Variants in ACSL3 observed in about 807,000 individuals in gnomAD.
The protein encoded by ACSL3 is acyl-CoA synthetase long chain family member 3.
Under a neutral mutation model 84.7 loss-of-function variants are expected in ACSL3, and 34 were observed. That is an observed-to-expected ratio of 0.40 (90% CI 0.31 to 0.53). The LOEUF is 0.53. Ranked by LOEUF, ACSL3 falls within the 20% of genes least tolerant of loss-of-function variation. The pLI is 0.48. For missense variants in ACSL3, 680 were observed against 873.1 expected, an observed-to-expected ratio of 0.78 and a Z score of 2.79; for synonymous variants, 315 against 299.4, an observed-to-expected ratio of 1.05 and a Z score of -0.54.
At chr2:222,914,288 CAG>C (rs141623568) in intron 4 of ACSL3, among the ~76,000 whole-genome samples, 6,099 of 145,020 alleles carry the variant, frequency 0.042, 194 homozygotes, top group Middle Eastern at 0.087. Flanking sequence ...TATTTTGAGA[CAG>C]GGTCTCACTC....
chr2:222,930,031 T>C (rs6758013), intron 13 of ACSL3, among the ~76,000 whole-genome samples: 123,872 of 149,138 alleles, frequency 0.83, 51,723 homozygotes, highest in East Asian at 0.97. Context: ...TGGGTTCAAG[T>C]GATTCTCCTG....
At chr2:222,885,075 A>G (rs889639358) in intron 1 of ACSL3, among the ~76,000 whole-genome samples, 1 of 152,176 alleles carries the variant, frequency 6.6e-6, no homozygotes, top group African/African-American at 2.4e-5. Context: ...TTAGAATGCA[A>G]AGTGTCGGGT....
At position 222,942,429 on chromosome 2, in the gene ACSL3, C is replaced by T. The variant is rs1005886987; in HGVS notation, c.*775C>T. 2.1e-5 allele frequency: 4 copies of T among 192,774 alleles called. No homozygotes were observed. The highest frequency in any genetic ancestry group is 6.1e-5 in the Admixed American group (1 of 16,338). The allele number at this position is 192,774 out of a possible 1,614,324, so 11.9% of individuals were successfully genotyped here. ...CTGTCAAAATGTTCAATGAAGTCTT[C>T]TGTTCATCTGTTGAAACTAGGAAAA... On this transcript the variant is annotated 3_prime_UTR_variant, in exon 17 of 17. Transcript: ENST00000357430.
At chr2:222,873,944 A>G (rs536955930) in intron 1 of ACSL3, among the ~76,000 whole-genome samples, 2 of 152,370 alleles carry the variant, frequency 1.3e-5, no homozygotes, top group Admixed American at 6.5e-5. Flanking sequence ...ATTGCTTCCC[A>G]GAGAGGTTGT....
chr2:222,868,625 A>G (rs1468180902), intron 1 of ACSL3, among the ~76,000 whole-genome samples: 1 of 152,204 alleles, frequency 6.6e-6, no homozygotes, highest in Non-Finnish European at 1.5e-5. Context: ...GAGGTACATT[A>G]ACTAGATTGT....
chr2:222,875,010 A>G (rs1695409114), intron 1 of ACSL3, among the ~76,000 whole-genome samples: 1 of 152,090 alleles, frequency 6.6e-6, no homozygotes, highest in Non-Finnish European at 1.5e-5. Context: ...TTTATGTGAA[A>G]ATTTGAATGG....
At chr2:222,940,998 C>G (rs184808675) in intron 16 of ACSL3, among the ~76,000 whole-genome samples, 20 of 152,154 alleles carry the variant, frequency 1.3e-4, no homozygotes, top group Non-Finnish European at 2.2e-4. Flanking sequence ...ATCTCCTGGG[C>G]TCAAGTCATC....
In ACSL3 at chr2:222,928,139, A is replaced by G. The variant is rs114890927; in HGVS notation, c.1466-723A>G. On this transcript the variant is annotated intron_variant, in intron 12 of 16. Transcript: ENST00000357430. ...CATTTCTGATATTTGGTCTTTGAAG[A>G]GGAAACATAATGCAATAGTAATTCA... Among the ~76,000 whole-genome samples the G allele has an allele frequency of 6.2e-3, 948 of 152,356 alleles. 10 individuals carry two copies. The highest frequency in any genetic ancestry group is 0.022 in the African/African-American group (902 of 41,570).
chr2:222,882,257 C>A (rs1695607997), intron 1 of ACSL3, among the ~76,000 whole-genome samples: 1 of 152,120 alleles, frequency 6.6e-6, no homozygotes, highest in African/African-American at 2.4e-5. Context: ...ATTCTACTTG[C>A]AATTGATTGG....
chr2:222,884,913 C>G (rs1695683908), intron 1 of ACSL3, among the ~76,000 whole-genome samples: 1 of 152,158 alleles, frequency 6.6e-6, no homozygotes, highest in African/African-American at 2.4e-5. Context: ...TTTCCTTGAC[C>G]TTGTCTTCTC....
At chr2:222,914,152 C>T (rs754161262) in intron 4 of ACSL3, among the ~76,000 whole-genome samples, 7 of 151,708 alleles carry the variant, frequency 4.6e-5, no homozygotes, top group Non-Finnish European at 1.0e-4. Context: ...AAAACAAGTC[C>T]TAGTGCTTAA....
In ACSL3 at chr2:222,908,965, G is replaced by C. The variant is rs376035389; in HGVS notation, c.193G>C (p.Asp65His). 5.0e-6 allele frequency: 8 copies of C among 1,613,414 alleles called. No individual in the cohort carries two copies. In the African/African-American group the frequency reaches 9.3e-5, roughly 19 times the overall value. Residue 65 changes from aspartate to histidine, a missense_variant, in exon 4 of 17, where the codon GAT becomes CAT. This residue lies in a region of ACSL3 where 333 missense variants were observed against 347.5 expected (regional missense o/e 0.96). Coordinates refer to ENST00000357430, the MANE Select transcript of ACSL3 (RefSeq NM_004457.5). ...AGCAAAGCCTGTAAATTCAAAACCT[G>C]ATTCTGCATACAGATCTGTTAATAG... Reference protein sequence around the residue: ...IKAKPVNSKPDSAYRSVNSLD... With the variant: ...IKAKPVNSKPHSAYRSVNSLD...
rs567464353 is a variant in ACSL3, at chr2:222,943,012, G to A, written c.*1358G>A. 1.3e-5 allele frequency: 3 copies of A among 223,624 alleles called. 1 individual carries two copies. The highest frequency in any genetic ancestry group is 1.3e-4 in the East Asian group (2 of 15,440). 13.9% of individuals were successfully genotyped at this position (223,624 alleles called of 1,614,324 possible). On this transcript the variant is annotated 3_prime_UTR_variant, in exon 17 of 17. Transcript: ENST00000357430. Reference sequence around the variant, plus strand: ...TGCTCAAATCAGGACTTAAATCATAGGCACCACATTTTTCATGTCAGACTA... The same window carrying A: ...TGCTCAAATCAGGACTTAAATCATAAGCACCACATTTTTCATGTCAGACTA...
chr2:222,931,470 G>C (rs939676154), intron 14 of ACSL3, among the ~76,000 whole-genome samples: 4 of 151,722 alleles, frequency 2.6e-5, no homozygotes, highest in Non-Finnish European at 4.4e-5. Flanking sequence ...TAGAAACCTG[G>C]GAGGAGACTC....
chr2:222,880,924 TTCAAATGA>T (rs1434820359), intron 1 of ACSL3, among the ~76,000 whole-genome samples: 1 of 152,222 alleles, frequency 6.6e-6, no homozygotes, highest in Non-Finnish European at 1.5e-5. Context: ...TTGGATATTT[TTCAAATGA>T]TTCCTTCAGA....
chr2:222,934,462 GTAA>G (rs1172224679), intron 15 of ACSL3, 65 bp from the exon 16 acceptor site: 8 of 1,289,636 alleles, frequency 6.2e-6, no homozygotes, highest in African/African-American at 1.5e-5. Context: ...ACTTGTCACT[GTAA>G]TAATAACTGC....
rs1285124229 is a variant in ACSL3 at position 222,922,613 on chromosome 2, C to A, written c.957-95C>A. 19 of 1,485,672 alleles carry A rather than the reference C, an allele frequency of 1.3e-5. No individual in the cohort carries two copies. The Admixed American group carries it at 3.2e-4, about 25-fold the overall frequency. The allele number at this position is 1,485,672 out of a possible 1,614,324, so 92.0% of individuals were successfully genotyped here. ...TGACCAGCAAATTGATGCCCTGGGGCCCTTCCATGTGCCTTCAAGCTTGCT... is the reference window on the plus strand; with the variant it reads ...TGACCAGCAAATTGATGCCCTGGGGACCTTCCATGTGCCTTCAAGCTTGCT... On this transcript the variant is annotated intron_variant, in intron 8 of 16. Transcript: ENST00000357430.
At chr2:222,867,981 T>C (rs1375591202) in intron 1 of ACSL3, among the ~76,000 whole-genome samples, 1 of 94,608 alleles carries the variant, frequency 1.1e-5, no homozygotes, top group African/African-American at 4.8e-5. Flanking sequence ...CTTTCTTTGC[T>C]TTTTTTTTTT....
chr2:222,894,891 T>A (rs1695934199), intron 2 of ACSL3, among the ~76,000 whole-genome samples: 1 of 152,218 alleles, frequency 6.6e-6, no homozygotes, highest in South Asian at 2.1e-4. Flanking sequence ...GATCATTTTC[T>A]ATTTTTGGTT....
Sources: allele counts gnomAD v4.1 joint callset (sites outside exome capture counted in the v4.1 genomes callset), GRCh38; gene constraint gnomAD v4.1.1; regional missense constraint gnomAD v4.1.1; transcripts MANE v1.5; gene names NCBI Gene and HGNC (gene_info 2026-07-23, HGNC 2026-07-21).